RBM25: variants seen among roughly 807,000 people sequenced by gnomAD.
The protein encoded by RBM25 is RNA-binding protein 25.
Under a neutral mutation model 120.7 loss-of-function variants are expected in RBM25, and 19 were observed. The ratio of observed to expected loss-of-function variants is 0.16; its 90% CI spans 0.11 to 0.23. The LOEUF (loss-of-function observed/expected upper bound fraction) is 0.23. RBM25 is among the 10% of genes least tolerant of loss of function. The pLI is 1.00. For missense variants in RBM25, 605 were observed against 1,041.5 expected (o/e 0.58, Z 5.77); for synonymous variants, 390 against 326.7 (o/e 1.19, Z -2.09).
intron 2 of RBM25, among the ~76,000 whole-genome samples, chr14:73,073,664 G>A (rs1457934332): frequency 6.6e-6 from 1 of 151,998 alleles, no homozygotes; most frequent in East Asian, 1.9e-4. Flanking sequence ...CTCCAGCCTG[G>A]GCAACAAGAA....
chr14:73,067,403 CATT>C (rs1420930885), intron 1 of RBM25, among the ~76,000 whole-genome samples: 3 of 151,952 alleles, frequency 2.0e-5, no homozygotes, highest in African/African-American at 2.4e-5. Context: ...TAATTTACTG[CATT>C]ATTATTATTT....
chr14:73,117,205 C>CTTTTATTTTTTTT (rs1896448964), intron 18 of RBM25, among the ~76,000 whole-genome samples: 3 of 36,562 alleles, frequency 8.2e-5, no homozygotes, highest in African/African-American at 3.1e-4. Context: ...TTTCTTTCTT[C>CTTTTATTTTTTTT]TTTTCTTTTT....
At chr14:73,088,414 C>T (rs1359529774) in intron 6 of RBM25, 1 of 593,248 alleles carries the variant, frequency 1.7e-6, no homozygotes, top group African/African-American at 1.8e-5. Context: ...GTTAACTTGC[C>T]AGAGAAAGCA....
chr14:73,068,021 T>G (rs1895182779), intron 1 of RBM25: 1 of 314,404 alleles, frequency 3.2e-6, no homozygotes, highest in Non-Finnish European at 6.1e-6. Flanking sequence ...TTTCTTAAGT[T>G]GGCGGTAAGG....
intron 10 of RBM25, among the ~76,000 whole-genome samples, chr14:73,105,472 A>G (rs1400914414): frequency 1.3e-5 from 2 of 152,122 alleles, no homozygotes; most frequent in Non-Finnish European, 1.5e-5. Context: ...CTCTTAACAT[A>G]TTCATTAGTC....
Position 73,123,631 on chromosome 14 carries a change from A to G in RBM25, c.*3826A>G, listed in dbSNP as rs1391472893. On this transcript the variant is annotated 3_prime_UTR_variant, in exon 19 of 19. Transcript: ENST00000261973. Reference sequence around the variant, plus strand: ...AAACCCAGGAGCTACTAATATAACAATCATACTATAGAGCGAAGTGAACTT... The same window carrying G: ...AAACCCAGGAGCTACTAATATAACAGTCATACTATAGAGCGAAGTGAACTT... The G allele has an allele frequency of 6.6e-6, 1 of 152,228 alleles. No individual in the cohort carries two copies. The highest frequency in any genetic ancestry group is 2.4e-5 in the African/African-American group (1 of 41,450). 9.4% of individuals were successfully genotyped at this position (152,228 alleles called of 1,614,324 possible).
chr14:73,112,120 C>A lies in RBM25; in HGVS notation c.2293-32C>A, dbSNP rs762385047. 5.2e-6 allele frequency: 8 copies of A among 1,547,504 alleles called. No individual in the cohort carries two copies. The African/African-American group carries it at 8.3e-5, about 16-fold the overall frequency. ...ATAACTGTTATAGCAAGTTACAATT[C>A]TTTAATTCAGTAACCGTGGTTTGTT... On this transcript the variant is annotated intron_variant, in intron 16 of 18. Coordinates refer to ENST00000261973, the MANE Select transcript of RBM25 (RefSeq NM_021239.3).
In RBM25 at chr14:73,105,126, C is replaced by CTTTTTTTTTTT. The variant is rs34862161; in HGVS notation, c.1155-725_1155-715dup. 2.1e-3 allele frequency among the ~76,000 whole-genome samples: 225 copies of CTTTTTTTTTTT among 109,518 alleles called. 12 individuals carry two copies. Among genetic ancestry groups the CTTTTTTTTTTT allele is most frequent in the African/African-American group, 6.5e-3 (173 of 26,666 alleles). The allele number at this position is 109,518 out of a possible 152,430, so 71.8% of individuals were successfully genotyped here. A position where few individuals can be genotyped will look rare whatever the true frequency, so the allele number is the denominator to read the frequency against. On this transcript the variant is annotated intron_variant, in intron 10 of 18. Transcript: ENST00000261973. ...TGTAATCTGCAGTTTGGTTTTATTA[C>CTTTTTTTTTTT]TTTTTTTTTTTTTTTTTTGGAGACG...
intron 14 of RBM25, 27 bp from the exon 15 acceptor site, chr14:73,110,804 T>C: frequency 6.3e-7 from 1 of 1,581,504 alleles, no homozygotes; most frequent in South Asian, 1.2e-5. Flanking sequence ...AGAGTTGTAG[T>C]TAATCAGATT....
At chr14:73,108,432 T>C (rs1331896052) in intron 13 of RBM25, among the ~76,000 whole-genome samples, 1 of 152,214 alleles carries the variant, frequency 6.6e-6, no homozygotes, top group Non-Finnish European at 1.5e-5. Context: ...TTCTAGCAAT[T>C]TGACCTCCCG....
At chr14:73,087,630 C>T (rs1170783841) in intron 5 of RBM25, among the ~76,000 whole-genome samples, 2 of 151,906 alleles carry the variant, frequency 1.3e-5, no homozygotes, top group African/African-American at 2.4e-5. Flanking sequence ...CTCCTGACCT[C>T]GTGATCCACC....
At chr14:73,106,812 C>T (rs1218497604) in intron 12 of RBM25, among the ~76,000 whole-genome samples, 4 of 150,436 alleles carry the variant, frequency 2.7e-5, no homozygotes, top group South Asian at 2.1e-4. Context: ...TACACATATA[C>T]ATACATGTAT....
At chr14:73,093,447 G>C (rs1042621291) in intron 6 of RBM25, among the ~76,000 whole-genome samples, 2 of 152,160 alleles carry the variant, frequency 1.3e-5, no homozygotes, top group Non-Finnish European at 2.9e-5. Context: ...TAATCTGTCA[G>C]CTTCCTATAT....
At chr14:73,086,431 C>T (rs963214063) in intron 5 of RBM25, among the ~76,000 whole-genome samples, 18 of 147,868 alleles carry the variant, frequency 1.2e-4, no homozygotes, top group Admixed American at 7.4e-4. Context: ...CGCGAGACTC[C>T]GTCTAAAAAA....
At chr14:73,083,005 G>C (rs1254729591) in intron 4 of RBM25, among the ~76,000 whole-genome samples, 3 of 152,018 alleles carry the variant, frequency 2.0e-5, no homozygotes, top group Non-Finnish European at 2.9e-5. Flanking sequence ...GCTTGAATCT[G>C]GGAGGCAGAG....
intron 17 of RBM25, 38 bp from the exon 18 acceptor site, chr14:73,114,248 T>C: frequency 7.1e-7 from 1 of 1,413,694 alleles, no homozygotes; most frequent in Non-Finnish European, 9.5e-7. Context: ...GTTAATTTTT[T>C]ATTTATTTTT....
Position 73,071,609 on chromosome 14 carries a change from A to G in RBM25, c.-15-18A>G, listed in dbSNP as rs375265706. 54 of 1,497,342 alleles carry G rather than the reference A, an allele frequency of 3.6e-5. No homozygotes were observed. Among genetic ancestry groups the G allele is most frequent in the Non-Finnish European group, 4.8e-5 (52 of 1,075,684 alleles). The allele number at this position is 1,497,342 out of a possible 1,614,324, so 92.8% of individuals were successfully genotyped here. On this transcript the variant is annotated intron_variant, in intron 1 of 18. Coordinates refer to ENST00000261973, the MANE Select transcript of RBM25 (RefSeq NM_021239.3). ...ACGTTTTCAAATAAAATGATTTGTCATGTCCTTTTTTCTTTAGACTGCTGC... is the reference window on the plus strand; with the variant it reads ...ACGTTTTCAAATAAAATGATTTGTCGTGTCCTTTTTTCTTTAGACTGCTGC...
intron 6 of RBM25, among the ~76,000 whole-genome samples, chr14:73,092,578 CTT>C (rs72026442): frequency 3.7e-5 from 5 of 136,424 alleles, no homozygotes; most frequent in Non-Finnish European, 3.2e-5. Flanking sequence ...ATTTTCTTGC[CTT>C]TTTTTTTTTT....
intron 6 of RBM25, among the ~76,000 whole-genome samples, chr14:73,093,301 G>A (rs911814267): frequency 1.3e-5 from 2 of 152,172 alleles, no homozygotes; most frequent in Admixed American, 1.3e-4. Context: ...TAAAAGGTTC[G>A]TACTTTGGAT....
Sources: allele counts gnomAD v4.1 joint callset (sites outside exome capture counted in the v4.1 genomes callset), GRCh38; gene constraint gnomAD v4.1.1; transcripts MANE v1.5; gene names NCBI Gene and HGNC (gene_info 2026-07-23, HGNC 2026-07-21).